PTPRT: variants seen among roughly 807,000 people sequenced by gnomAD.
PTPRT encodes the protein protein tyrosine phosphatase receptor type T, also known as receptor-type tyrosine-protein phosphatase T.
In PTPRT, 56 loss-of-function variants were observed where a neutral mutation model predicts 176.8. The observed-to-expected ratio is 0.32, with a 90% CI of 0.26 to 0.40. The LOEUF (loss-of-function observed/expected upper bound fraction) is 0.40. PTPRT is among the 10% of genes least tolerant of loss of function. PTPRT has a pLI of 1.00. For synonymous variants in PTPRT, 783 were observed against 739.0 expected, an observed-to-expected ratio of 1.06 and a Z score of -0.96; for missense variants, 1,540 against 1,908.2, an observed-to-expected ratio of 0.81 and a Z score of 3.60.
At chr20:42,894,758 T>C (rs2079263851) in intron 1 of PTPRT, among the ~76,000 whole-genome samples, 1 of 152,166 alleles carries the variant, frequency 6.6e-6, no homozygotes, top group Non-Finnish European at 1.5e-5. Context: ...TCTGCCCCCA[T>C]TCACTGCCCA....
chr20:43,113,386 C>T (rs140181776), intron 1 of PTPRT, among the ~76,000 whole-genome samples: 1 of 152,224 alleles, frequency 6.6e-6, no homozygotes, highest in African/African-American at 2.4e-5. Context: ...ACTTTGCTAA[C>T]AGAAACATCT....
At chr20:42,738,796 G>A (rs2076570617) in intron 6 of PTPRT, among the ~76,000 whole-genome samples, 1 of 152,174 alleles carries the variant, frequency 6.6e-6, no homozygotes, top group South Asian at 2.1e-4. Flanking sequence ...ATGGGGCTGG[G>A]CACAGTGGCT....
chr20:42,441,042 C>T (rs908067739), intron 9 of PTPRT, among the ~76,000 whole-genome samples: 1 of 152,192 alleles, frequency 6.6e-6, no homozygotes, highest in Non-Finnish European at 1.5e-5. Flanking sequence ...ACAAAATCAT[C>T]CAAACTATGG....
Position 43,105,830 on chromosome 20 carries a change from C to T in PTPRT, c.88+83816G>A, listed in dbSNP as rs181815931. Among the ~76,000 whole-genome samples, 155 of 152,170 alleles carry T rather than the reference C, an allele frequency of 1.0e-3. No homozygotes were observed. The Middle Eastern group carries it at 0.01, about 10-fold the overall frequency. On this transcript the variant is annotated intron_variant, in intron 1 of 30. Transcript: ENST00000373187. ...ATAATCATGGCTCATGGCAGGATTT[C>T]AATTATAGTTGGTTCCCTTCTCCTT... is the stretch of plus-strand genomic sequence containing the variant.
intron 12 of PTPRT, among the ~76,000 whole-genome samples, chr20:42,291,551 G>A (rs2057317023): frequency 6.6e-6 from 1 of 152,172 alleles, no homozygotes; most frequent in Admixed American, 6.5e-5. Context: ...GCCAGGTGCT[G>A]TGCATGTGTA....
At chr20:42,616,034 A>T (rs1270818022) in intron 7 of PTPRT, among the ~76,000 whole-genome samples, 1 of 130,518 alleles carries the variant, frequency 7.7e-6, no homozygotes, top group Non-Finnish European at 1.6e-5. Context: ...CTGAATGGTA[A>T]TGCCTAGGTT....
At chr20:42,852,926 G>T (rs1338175291) in intron 2 of PTPRT, among the ~76,000 whole-genome samples, 1 of 141,910 alleles carries the variant, frequency 7.0e-6, no homozygotes, top group East Asian at 1.9e-4. Flanking sequence ...TTCCACCCAG[G>T]TTGCTAGCAT....
chr20:42,123,484 G>A (rs1398899951), intron 19 of PTPRT, among the ~76,000 whole-genome samples: 5 of 152,212 alleles, frequency 3.3e-5, no homozygotes, highest in African/African-American at 1.2e-4. Flanking sequence ...GGGACTCTGT[G>A]GAGTACCCAT....
At chr20:43,051,688 G>A (rs990782569) in intron 1 of PTPRT, among the ~76,000 whole-genome samples, 2 of 140,354 alleles carry the variant, frequency 1.4e-5, no homozygotes, top group South Asian at 2.2e-4. Flanking sequence ...TCAAATTCCT[G>A]TGTTTCAAAT....
intron 7 of PTPRT, among the ~76,000 whole-genome samples, chr20:42,605,438 G>A (rs1316845373): frequency 5.3e-5 from 8 of 152,204 alleles, no homozygotes; most frequent in Non-Finnish European, 1.2e-4. Flanking sequence ...CCCTGCTGGT[G>A]TTAATTTACT....
intron 7 of PTPRT, among the ~76,000 whole-genome samples, chr20:42,498,926 T>A (rs1473016754): frequency 1.3e-5 from 2 of 152,282 alleles, no homozygotes; most frequent in African/African-American, 4.8e-5. Flanking sequence ...TGCCTGTAAC[T>A]TCTGTCTTCC....
intron 11 of PTPRT, among the ~76,000 whole-genome samples, chr20:42,345,865 C>G (rs562967952): frequency 2.6e-5 from 4 of 152,044 alleles, no homozygotes; most frequent in Non-Finnish European, 5.9e-5. Flanking sequence ...GAAAGGAAAC[C>G]GGAAACAAGG....
chr20:42,635,977 CTCTT>C (rs1350911583), intron 7 of PTPRT, among the ~76,000 whole-genome samples: 1 of 152,122 alleles, frequency 6.6e-6, no homozygotes, highest in African/African-American at 2.4e-5. Flanking sequence ...ACTGTGAGGA[CTCTT>C]TCTTTGGCTT....
chr20:42,299,734 G>A (rs1391061616), intron 12 of PTPRT, among the ~76,000 whole-genome samples: 3 of 132,938 alleles, frequency 2.3e-5, no homozygotes, highest in East Asian at 2.4e-4. Flanking sequence ...TGCAGCCTCC[G>A]CCTTCTGGTT....
intron 1 of PTPRT, among the ~76,000 whole-genome samples, chr20:42,944,113 C>T (rs1980735534): frequency 6.6e-6 from 1 of 152,184 alleles, no homozygotes; most frequent in African/African-American, 2.4e-5. Flanking sequence ...TGTCTTTCCA[C>T]CTCCAGTAAC....
intron 27 of PTPRT, among the ~76,000 whole-genome samples, chr20:42,097,834 T>C (rs1339399272): frequency 6.6e-6 from 1 of 152,238 alleles, no homozygotes; most frequent in Non-Finnish European, 1.5e-5. Context: ...AAGATACACG[T>C]CCTGTGTCCT....
intron 7 of PTPRT, among the ~76,000 whole-genome samples, chr20:42,539,777 G>A (rs1248690134): frequency 6.6e-6 from 1 of 151,982 alleles, no homozygotes; most frequent in East Asian, 1.9e-4. Context: ...AAAGCTCTTG[G>A]AAATTAAAAA....
chr20:42,935,136 C>T (rs1206854982), intron 1 of PTPRT, among the ~76,000 whole-genome samples: 3 of 117,060 alleles, frequency 2.6e-5, no homozygotes, highest in African/African-American at 9.3e-5. Context: ...CGTCTCATTG[C>T]TTTTGCCATA....
intron 1 of PTPRT, among the ~76,000 whole-genome samples, chr20:43,125,026 A>C (rs1167809093): frequency 6.6e-6 from 1 of 150,954 alleles, no homozygotes; most frequent in Non-Finnish European, 1.5e-5. Context: ...ACAGAATATC[A>C]CTCTTATTGC....
Sources: gnomAD v4.1 joint callset for allele counts (sites outside exome capture counted in the v4.1 genomes callset) on GRCh38, gnomAD v4.1.1 for gene constraint, MANE v1.5 for transcripts, NCBI Gene and HGNC (gene_info 2026-07-23, HGNC 2026-07-21) for gene names.